Variants in TOX4 observed in about 807,000 individuals in gnomAD.
TOX4 encodes the protein epidermal Langerhans cell protein LCP1.
TOX4 carries 12 observed loss-of-function variants against 61.0 expected under a neutral mutation model. The ratio of observed to expected loss-of-function variants is 0.20; its 90% CI spans 0.13 to 0.32. The LOEUF (loss-of-function observed/expected upper bound fraction) is 0.32. TOX4 is among the 10% of genes least tolerant of loss of function. The pLI is 1.00. For synonymous variants in TOX4, 268 were observed against 274.8 expected (o/e 0.98, Z 0.24); for missense variants, 499 against 753.3 (o/e 0.66, Z 3.95).
intron 7 of TOX4, among the ~76,000 whole-genome samples, chr14:21,494,834 G>A (rs1016197350): frequency 1.3e-5 from 2 of 151,744 alleles, no homozygotes; most frequent in Non-Finnish European, 2.9e-5. Context: ...CAGGAGAATC[G>A]CTTGAACCCG....
At chr14:21,494,950 C>T (rs1566486363) in intron 7 of TOX4, among the ~76,000 whole-genome samples, 1 of 150,590 alleles carries the variant, frequency 6.6e-6, no homozygotes, top group African/African-American at 2.4e-5. Context: ...CCTCTCTATT[C>T]CCACTGCTTG....
At chr14:21,482,807 A>T (rs1460165889) in intron 2 of TOX4, among the ~76,000 whole-genome samples, 1 of 152,160 alleles carries the variant, frequency 6.6e-6, no homozygotes, top group African/African-American at 2.4e-5. Flanking sequence ...TGTAGTGAAA[A>T]AGATTTTAGT....
rs1060722 is a variant in TOX4 at position 21,492,657 on chromosome 14, T to C, written c.1041T>C (p.Leu347=). Residue 347 remains leucine (L), a synonymous_variant, in exon 7 of 9, where the codon CTT becomes CTC. Coordinates refer to ENST00000448790, the MANE Select transcript of TOX4 (RefSeq NM_014828.4). ...LSPSIVVNST[L]SSYVANQASS... Reference sequence around the variant, plus strand: ...CATCCATTGTTGTTAACTCCACCCTTTCATCCTATGTGGCAAACCAGGCAT... The same window carrying C: ...CATCCATTGTTGTTAACTCCACCCTCTCATCCTATGTGGCAAACCAGGCAT... 823,558 of 1,613,358 alleles carry C rather than the reference T, an allele frequency of 0.51. 213,052 individuals carry two copies. Among genetic ancestry groups the C allele is most frequent in the East Asian group, 0.65 (29,291 of 44,830 alleles).
intron 2 of TOX4, among the ~76,000 whole-genome samples, chr14:21,479,493 C>G (rs1470556917): frequency 6.6e-6 from 1 of 151,670 alleles, no homozygotes; most frequent in Non-Finnish European, 1.5e-5. Context: ...ACTAAAAATA[C>G]AAAAATTAGC....
intron 2 of TOX4, among the ~76,000 whole-genome samples, chr14:21,483,631 G>A (rs1169362839): frequency 1.3e-5 from 2 of 151,738 alleles, no homozygotes; most frequent in Admixed American, 1.3e-4. Flanking sequence ...GAGTGGTGAT[G>A]GAGCCATGCA....
rs1891422418 is a variant in TOX4 at position 21,497,237 on chromosome 14, A to G, written c.*631A>G. 6.6e-6 allele frequency: 1 copy of G among 152,232 alleles called. No individual in the cohort carries two copies. The highest frequency in any genetic ancestry group is 2.1e-4 in the South Asian group (1 of 4,834). The allele number at this position is 152,232 out of a possible 1,614,324, so 9.4% of individuals were successfully genotyped here. Reference sequence around the variant, plus strand: ...ACATCATTAGTAAGAGGTTCCACCAAAGTCTAAAGTTGTATTCACTTGTGT... The same window carrying G: ...ACATCATTAGTAAGAGGTTCCACCAGAGTCTAAAGTTGTATTCACTTGTGT... On this transcript the variant is annotated 3_prime_UTR_variant, in exon 9 of 9. Coordinates refer to ENST00000448790, the MANE Select transcript of TOX4 (RefSeq NM_014828.4).
intron 2 of TOX4, among the ~76,000 whole-genome samples, chr14:21,479,519 G>A (rs931699939): frequency 2.0e-5 from 3 of 151,734 alleles, no homozygotes. Flanking sequence ...GTGGTGGTGC[G>A]CGCCTGTAAT....
In TOX4 at chr14:21,498,624, T is replaced by A. The variant is rs915755657; in HGVS notation, c.*2018T>A. On this transcript the variant is annotated 3_prime_UTR_variant, in exon 9 of 9. Coordinates refer to ENST00000448790, the MANE Select transcript of TOX4 (RefSeq NM_014828.4). ...GCTTAGCCAGGCCTGCTTCACAGAGTTGCTACCAGGGAGTATTCTTTGGAT... is the reference window on the plus strand; with the variant it reads ...GCTTAGCCAGGCCTGCTTCACAGAGATGCTACCAGGGAGTATTCTTTGGAT... The A allele has an allele frequency of 3.8e-6, 2 of 533,322 alleles. No homozygotes were observed. The highest frequency in any genetic ancestry group is 3.5e-5 in the Admixed American group (1 of 28,978). 33.0% of individuals were successfully genotyped at this position (533,322 alleles called of 1,614,324 possible). A position where few individuals can be genotyped will look rare whatever the true frequency, so the allele number is the denominator to read the frequency against.
chr14:21,491,147 T>G (rs1397810900), intron 5 of TOX4, among the ~76,000 whole-genome samples: 4 of 151,834 alleles, frequency 2.6e-5, no homozygotes, highest in African/African-American at 9.7e-5. Context: ...TTCTTTTTCT[T>G]TTTTGGATTT....
At chr14:21,488,365 ATTATT>A in intron 3 of TOX4, 1 of 527,704 alleles carries the variant, frequency 1.9e-6, no homozygotes, top group Non-Finnish European at 3.3e-6. Flanking sequence ...GACTTCTCTG[ATTATT>A]TTTAGTTCTT....
chr14:21,495,529 G>C lies in TOX4; in HGVS notation c.1805+137G>C, dbSNP rs566536499. ...GTAGGTTGCTGTATCTGGTCTACTA[G>C]AAAAGCTCCCCTGCTTAAGAGCTTA... On this transcript the variant is annotated intron_variant, in intron 8 of 8. Coordinates refer to ENST00000448790, the MANE Select transcript of TOX4 (RefSeq NM_014828.4). The C allele has an allele frequency of 4.0e-6, 4 of 997,074 alleles. 1 individual carries two copies. In the South Asian group the frequency reaches 7.2e-5, roughly 18 times the overall value. The allele number at this position is 997,074 out of a possible 1,614,324, so 61.8% of individuals were successfully genotyped here.
chr14:21,487,323 T>C, intron 2 of TOX4, 128 bp from the exon 3 acceptor site: 2 of 1,303,096 alleles, frequency 1.5e-6, no homozygotes, highest in Non-Finnish European at 2.1e-6. Flanking sequence ...AGAAATTGAT[T>C]ATAAAATAGG....
At position 21,493,264 on chromosome 14, in the gene TOX4, C is replaced by CT; in HGVS notation, c.1641+10dup. On this transcript the variant is annotated splice_region_variant and intron_variant, in intron 7 of 8. Transcript: ENST00000448790. ...CACAGATGTAGTTCCTGAGGTGAGC[C>CT]TTTGTTTTTAAGTCTTTAGTCTAGT... is the stretch of plus-strand genomic sequence containing the variant. 1 of 1,593,298 alleles carries CT rather than the reference C, an allele frequency of 6.3e-7. No individual in the cohort carries two copies.
Position 21,477,273 on chromosome 14 carries a change from G to C in TOX4, c.-6G>C. 6.2e-7 allele frequency: 1 copy of C among 1,614,010 alleles called. No individual in the cohort carries two copies. Among genetic ancestry groups the C allele is most frequent in the Non-Finnish European group, 8.5e-7 (1 of 1,179,980 alleles). ...GGTCTGAGACGGTGGGAGCGGTTGT[G>C]TGAAGATGGAGGTAGGAACCTGATA... is the stretch of plus-strand genomic sequence containing the variant. On this transcript the variant is annotated 5_prime_UTR_variant, in exon 1 of 9. Transcript: ENST00000448790.
At chr14:21,489,703 C>T (rs1395344637) in intron 5 of TOX4, among the ~76,000 whole-genome samples, 10 of 152,056 alleles carry the variant, frequency 6.6e-5, no homozygotes, top group African/African-American at 2.2e-4. Context: ...TTCAGCCTCC[C>T]GAGTAGCTGG....
rs746292529 is a variant in TOX4 at position 21,486,429 on chromosome 14, G to A, written c.76-1022G>A. On this transcript the variant is annotated intron_variant, in intron 2 of 8. Coordinates refer to ENST00000448790, the MANE Select transcript of TOX4 (RefSeq NM_014828.4). Reference sequence around the variant, plus strand: ...GGTGATTAAGCCATTATATGTATCAGGCAATGTGCTAAGATTTTATGCATG... The same window carrying A: ...GGTGATTAAGCCATTATATGTATCAAGCAATGTGCTAAGATTTTATGCATG... Among the ~76,000 whole-genome samples, 16 of 134,024 alleles carry A rather than the reference G, an allele frequency of 1.2e-4. 5 individuals are homozygous for A. The highest frequency in any genetic ancestry group is 1.8e-4 in the Non-Finnish European group (11 of 61,662). 87.9% of individuals were successfully genotyped at this position (134,024 alleles called of 152,430 possible). A position where few individuals can be genotyped will look rare whatever the true frequency, so the allele number is the denominator to read the frequency against.
intron 2 of TOX4, among the ~76,000 whole-genome samples, chr14:21,481,625 G>A (rs891601402): frequency 6.6e-6 from 1 of 152,158 alleles, no homozygotes; most frequent in Non-Finnish European, 1.5e-5. Context: ...AGAAATGATT[G>A]CATATGTTCA....
intron 5 of TOX4, among the ~76,000 whole-genome samples, chr14:21,491,822 TA>T (rs1380196160): frequency 6.6e-6 from 1 of 150,438 alleles, no homozygotes; most frequent in African/African-American, 2.4e-5. Flanking sequence ...CCATCCTGGC[TA>T]ACACAGCGAA....
intron 5 of TOX4, 42 bp from the exon 6 acceptor site, chr14:21,492,254 A>T (rs766411030): frequency 5.3e-6 from 8 of 1,516,162 alleles, no homozygotes; most frequent in Non-Finnish European, 6.3e-6. Context: ...TCCTAAGAGT[A>T]TGGGGAGTTT....
Sources: gnomAD v4.1 joint callset for allele counts (sites outside exome capture counted in the v4.1 genomes callset) on GRCh38, gnomAD v4.1.1 for gene constraint, MANE v1.5 for transcripts, NCBI Gene and HGNC (gene_info 2026-07-23, HGNC 2026-07-21) for gene names.